Variants in MTA3 observed in about 807,000 individuals in gnomAD.
The protein encoded by MTA3 is metastasis-associated protein MTA3.
Under a neutral mutation model 83.5 loss-of-function variants are expected in MTA3, and 34 were observed. That is an observed-to-expected ratio of 0.41 (90% confidence interval 0.31 to 0.54). The LOEUF (loss-of-function observed/expected upper bound fraction) is 0.54, where lower values mean the gene tolerates loss of function less well. Ranked by LOEUF, MTA3 falls within the 20% of genes least tolerant of loss-of-function variation. MTA3 has a pLI of 0.33. For missense variants in MTA3, 761 were observed against 726.4 expected, an observed-to-expected ratio of 1.05 and a Z score of -0.55; for synonymous variants, 303 against 252.7, an observed-to-expected ratio of 1.20 and a Z score of -1.89.
chr2:42,517,182 C>T lies in MTA3; in HGVS notation c.-141+21928C>T, dbSNP rs901189763. 2.7e-5 allele frequency among the ~76,000 whole-genome samples: 4 copies of T among 150,826 alleles called. No homozygotes were observed. The South Asian group carries it at 6.3e-4, about 24-fold the overall frequency. The stretch of plus-strand genomic sequence containing the variant: ...GGCTAAGGCAGGAGAATCGCTTGAA[C>T]ACGGGAGGCGGCGGTTGCAGTGAGC... On this transcript the variant is annotated intron_variant, in intron 2 of 17. Coordinates refer to the MTA3 transcript ENST00000405592.
intron 9 of MTA3, among the ~76,000 whole-genome samples, chr2:42,686,379 T>A (rs1326752190): frequency 6.6e-6 from 1 of 152,206 alleles, no homozygotes; most frequent in Non-Finnish European, 1.5e-5. Context: ...TTTTTATAAA[T>A]GCATACTCCC....
At chr2:42,622,587 T>C (rs1023966901) in intron 4 of MTA3, among the ~76,000 whole-genome samples, 4 of 152,198 alleles carry the variant, frequency 2.6e-5, no homozygotes, top group African/African-American at 7.2e-5. Flanking sequence ...TTGATACATA[T>C]GTATCCAACG....
chr2:42,591,179 T>C (rs1170411180), intron 3 of MTA3, among the ~76,000 whole-genome samples: 1 of 152,244 alleles, frequency 6.6e-6, no homozygotes, highest in Non-Finnish European at 1.5e-5. Context: ...TACAAATCTG[T>C]ACACATGTTA....
At chr2:42,714,059 G>T (rs1666848403) in intron 14 of MTA3, among the ~76,000 whole-genome samples, 2 of 152,142 alleles carry the variant, frequency 1.3e-5, no homozygotes, top group Admixed American at 6.6e-5. Context: ...TATTTCTCTA[G>T]AACTTTGCTG....
intron 4 of MTA3, among the ~76,000 whole-genome samples, chr2:42,635,072 G>C (rs1026999576): frequency 1.3e-4 from 20 of 151,810 alleles, no homozygotes; most frequent in African/African-American, 4.8e-4. Flanking sequence ...TCTCACACTT[G>C]GCCAATGATT....
chr2:42,674,248 C>G (rs754765012), intron 8 of MTA3, among the ~76,000 whole-genome samples: 5 of 152,220 alleles, frequency 3.3e-5, no homozygotes, highest in Non-Finnish European at 7.3e-5. Context: ...AGAATACTCT[C>G]CTGTGGAGGT....
chr2:42,645,298 G>A (rs1320952029), intron 6 of MTA3, among the ~76,000 whole-genome samples: 1 of 152,134 alleles, frequency 6.6e-6, no homozygotes, highest in Non-Finnish European at 1.5e-5. Flanking sequence ...GCCGCAGCAG[G>A]TGGATTACTT....
intron 2 of MTA3, among the ~76,000 whole-genome samples, chr2:42,518,574 C>T (rs1217384482): frequency 6.6e-6 from 1 of 152,142 alleles, no homozygotes; most frequent in African/African-American, 2.4e-5. Flanking sequence ...AGACAAATCT[C>T]CATGCAGAAT....
intron 3 of MTA3, among the ~76,000 whole-genome samples, chr2:42,598,872 C>T (rs1271500824): frequency 6.6e-6 from 1 of 152,094 alleles, no homozygotes; most frequent in Admixed American, 6.6e-5. Flanking sequence ...ACACAGAAGC[C>T]TTGACATACA....
intron 16 of MTA3, among the ~76,000 whole-genome samples, chr2:42,751,232 TA>T (rs1669849905): frequency 6.6e-6 from 1 of 152,046 alleles, no homozygotes; most frequent in South Asian, 2.1e-4. Flanking sequence ...GTCAAACCAT[TA>T]GGGAAAATTT....
At chr2:42,541,988 T>C (rs748008342) in intron 2 of MTA3, among the ~76,000 whole-genome samples, 1 of 152,162 alleles carries the variant, frequency 6.6e-6, no homozygotes, top group Non-Finnish European at 1.5e-5. Context: ...AATCTAGAAC[T>C]AGAGGGTTGT....
At chr2:42,554,598 C>A (rs555389779) in intron 2 of MTA3, among the ~76,000 whole-genome samples, 2 of 152,154 alleles carry the variant, frequency 1.3e-5, no homozygotes, top group Non-Finnish European at 2.9e-5. Flanking sequence ...AGGGACCCCA[C>A]AGGGAGGGAA....
chr2:42,666,442 T>C (rs1156976081), intron 8 of MTA3, among the ~76,000 whole-genome samples: 1 of 152,212 alleles, frequency 6.6e-6, no homozygotes, highest in East Asian at 1.9e-4. Context: ...CTATAGCCCC[T>C]TTGCCCAAAC....
chr2:42,600,716 TTTTTAA>T (rs1025607167), intron 3 of MTA3, among the ~76,000 whole-genome samples: 3 of 152,048 alleles, frequency 2.0e-5, no homozygotes, highest in African/African-American at 7.2e-5. Flanking sequence ...GATTTTTGTA[TTTTTAA>T]TAGAGATGGG....
At chr2:42,678,744 A>G (rs1349549517) in intron 8 of MTA3, among the ~76,000 whole-genome samples, 2 of 152,176 alleles carry the variant, frequency 1.3e-5, no homozygotes, top group Non-Finnish European at 2.9e-5. Flanking sequence ...TTCATAATCT[A>G]TACCCTTATC....
At chr2:42,548,874 AT>A (rs1676928172) in intron 2 of MTA3, among the ~76,000 whole-genome samples, 1 of 21,298 alleles carries the variant, frequency 4.7e-5, no homozygotes, top group Non-Finnish European at 7.2e-5. Context: ...ATATATATAT[AT>A]AATATATATA....
chr2:42,514,162 G>A (rs909496701), intron 2 of MTA3, among the ~76,000 whole-genome samples: 11 of 152,066 alleles, frequency 7.2e-5, no homozygotes, highest in East Asian at 1.9e-4. Flanking sequence ...GGAGTGAGTC[G>A]AGATCGCGCC....
chr2:42,704,348 A>G (rs999562069), intron 12 of MTA3, 30 bp downstream of exon 12: 2 of 1,612,368 alleles, frequency 1.2e-6, no homozygotes, highest in Admixed American at 1.7e-5. Context: ...TCAGTTAAGC[A>G]TCGGGAACTG....
At chr2:42,542,095 G>T (rs1676543277) in intron 2 of MTA3, among the ~76,000 whole-genome samples, 1 of 152,138 alleles carries the variant, frequency 6.6e-6, no homozygotes, top group Non-Finnish European at 1.5e-5. Flanking sequence ...TGCTTTCTTT[G>T]CAAATGGGTT....
Sources: allele counts gnomAD v4.1 joint callset (sites outside exome capture counted in the v4.1 genomes callset), GRCh38; gene constraint gnomAD v4.1.1; transcripts MANE v1.5; gene names NCBI Gene and HGNC (gene_info 2026-07-23, HGNC 2026-07-21).